The following DCAF8L2 variants were observed in gnomAD, a reference collection of about 807,000 sequenced individuals.
The protein encoded by DCAF8L2 is DDB1- and CUL4-associated factor 8-like protein 2.
For synonymous variants in DCAF8L2, 200 were observed against 190.9 expected (o/e 1.05, Z -0.39); for missense variants, 430 against 490.7 (o/e 0.88, Z 1.17).
the DCAF8L2 span, among the ~76,000 whole-genome samples, chrX:27,549,269 TC>T: frequency 9.0e-6 from 1 of 111,673 alleles, no homozygotes; most frequent in Non-Finnish European, 1.9e-5. Flanking sequence ...CTAGGACACT[TC>T]CAATGCATAA....
At chrX:27,499,833 T>TG in the DCAF8L2 span, among the ~76,000 whole-genome samples, 4 of 45,939 alleles carry the variant, frequency 8.7e-5, no homozygotes, top group Middle Eastern at 9.6e-3. Flanking sequence ...TGAGATTTGG[T>TG]GGTGGGGGGG....
chrX:27,662,817 C>T (rs1929602032), intron 2 of DCAF8L2, among the ~76,000 whole-genome samples: 1 of 111,255 alleles, frequency 9.0e-6, no homozygotes, highest in African/African-American at 3.3e-5. Context: ...GGAGATTATT[C>T]CTAACATTGT....
chrX:27,747,287 AG>A lies in DCAF8L2; in HGVS notation c.394del (p.Glu132ArgfsTer34). The A allele has an allele frequency of 5.1e-6, 2 of 394,284 alleles. No individual in the cohort carries two copies. Among genetic ancestry groups the A allele is most frequent in the East Asian group, 2.2e-4 (1 of 4,568 alleles). 32.5% of individuals were successfully genotyped at this position (394,284 alleles called of 1,213,427 possible). A position where few individuals can be genotyped will look rare whatever the true frequency, so the allele number is the denominator to read the frequency against. On this transcript the variant is annotated frameshift_variant, in exon 5 of 5. Coordinates refer to ENST00000451261, the MANE Select transcript of DCAF8L2 (RefSeq NM_001353450.2). LOFTEE classifies it low-confidence loss of function (END_TRUNC). ...QEEGGEEEEEEEEEEEEEEEE... is the reference protein window; with the variant it reads ...QEEGGEEEEEXEEEEEEEEEE... The stretch of plus-strand genomic sequence containing the variant: ...GAGGGAGGGGAGGAGGAGGAAGAGG[AG>A]GAGGAGGAGGAGGAGGAGGAGGAGG...
the DCAF8L2 span, among the ~76,000 whole-genome samples, chrX:27,568,845 C>T: frequency 9.4e-6 from 1 of 106,124 alleles, no homozygotes; most frequent in Non-Finnish European, 1.9e-5. Context: ...CAACAGGCCC[C>T]GGTGTGTGAT....
intron 2 of DCAF8L2, among the ~76,000 whole-genome samples, chrX:27,638,464 A>G (rs1928584890): frequency 9.0e-6 from 1 of 111,688 alleles, no homozygotes; most frequent in African/African-American, 3.3e-5. Context: ...TTTAACCTTC[A>G]TGGCCAGCTG....
chrX:27,637,032 A>G (rs376477218), intron 2 of DCAF8L2, among the ~76,000 whole-genome samples: 1 of 111,752 alleles, frequency 8.9e-6, no homozygotes, highest in African/African-American at 3.3e-5. Flanking sequence ...CCTACTGAGA[A>G]TCTCAGTTTA....
intron 1 of DCAF8L2, among the ~76,000 whole-genome samples, chrX:27,598,302 G>A (rs758346576): frequency 8.9e-6 from 1 of 112,461 alleles, no homozygotes; most frequent in African/African-American, 3.2e-5. Flanking sequence ...AAGTATAATG[G>A]TCGAAAAATT....
At chrX:27,587,985 A>AAAAAAAAATATATATAT, upstream of DCAF8L2, among the ~76,000 whole-genome samples, 42 of 22,338 alleles carry the variant, frequency 1.9e-3, no homozygotes, top group African/African-American at 4.0e-3. Context: ...TAAAAAAAAA[A>AAAAAAAAATATATATAT]ATATATATAT....
chrX:27,528,912 A>G, the DCAF8L2 span, among the ~76,000 whole-genome samples: 117 of 111,662 alleles, frequency 1.0e-3, 1 homozygote, highest in African/African-American at 3.7e-3. Context: ...ATTGTATCCT[A>G]TTACCTAATT....
the DCAF8L2 span, among the ~76,000 whole-genome samples, chrX:27,529,020 GC>G: frequency 1.8e-5 from 2 of 111,570 alleles, no homozygotes; most frequent in Non-Finnish European, 3.8e-5. Flanking sequence ...CAGTGTGAAA[GC>G]TTGAAGGGCT....
At chrX:27,689,205 G>A (rs902084186) in intron 3 of DCAF8L2, among the ~76,000 whole-genome samples, 4 of 112,328 alleles carry the variant, frequency 3.6e-5, no homozygotes, top group Non-Finnish European at 7.5e-5. Flanking sequence ...TATAACAAAT[G>A]TACTCACATA....
the DCAF8L2 span, among the ~76,000 whole-genome samples, chrX:27,478,310 G>T: frequency 8.9e-6 from 1 of 112,187 alleles, no homozygotes; most frequent in Non-Finnish European, 1.9e-5. Context: ...ACAAGCTGCA[G>T]AGTAGATTTA....
intron 4 of DCAF8L2, among the ~76,000 whole-genome samples, chrX:27,738,476 T>G (rs1420705844): frequency 9.0e-6 from 1 of 111,549 alleles, no homozygotes; most frequent in Admixed American, 9.6e-5. Flanking sequence ...TTAAATATAG[T>G]TAAATTTCAT....
At chrX:27,619,008 T>TATC (rs770481050) in intron 1 of DCAF8L2, among the ~76,000 whole-genome samples, 2,387 of 90,363 alleles carry the variant, frequency 0.026, 31 homozygotes, top group Non-Finnish European at 0.037. Flanking sequence ...ATATCTAATC[T>TATC]ATCTATCTAT....
chrX:27,521,392 A>G, the DCAF8L2 span, among the ~76,000 whole-genome samples: 4 of 112,400 alleles, frequency 3.6e-5, no homozygotes, highest in Non-Finnish European at 7.5e-5. Flanking sequence ...GAAACAGCTT[A>G]GGATTTTACA....
chrX:27,668,426 A>C (rs1013988209), intron 2 of DCAF8L2, among the ~76,000 whole-genome samples: 3 of 111,628 alleles, frequency 2.7e-5, no homozygotes, highest in Non-Finnish European at 5.6e-5. Flanking sequence ...GAGGAAAACA[A>C]AATGCCAGAA....
intron 2 of DCAF8L2, among the ~76,000 whole-genome samples, chrX:27,638,661 A>T (rs928252230): frequency 2.7e-5 from 3 of 111,833 alleles, no homozygotes; most frequent in Middle Eastern, 4.7e-3. Context: ...GGCAGGGAGA[A>T]ATGAGAGGTT....
chrX:27,523,386 T>G, the DCAF8L2 span, among the ~76,000 whole-genome samples: 2 of 95,985 alleles, frequency 2.1e-5, no homozygotes, highest in Non-Finnish European at 4.1e-5. Flanking sequence ...CATCTAGCTA[T>G]CTAGCTAGCT....
chrX:27,602,282 G>A (rs111400901), intron 1 of DCAF8L2, among the ~76,000 whole-genome samples: 11,471 of 110,964 alleles, frequency 0.1, 1,021 homozygotes, highest in African/African-American at 0.29. Context: ...AGATCCACCC[G>A]CCTCAGCCTC....
Sources: allele counts gnomAD v4.1 joint callset (sites outside exome capture counted in the v4.1 genomes callset), GRCh38; gene constraint gnomAD v4.1.1; transcripts MANE v1.5; gene names NCBI Gene and HGNC (gene_info 2026-07-23, HGNC 2026-07-21).